The following ZC3H4 variants were observed in gnomAD, a reference collection of about 807,000 sequenced individuals.
ZC3H4 encodes the protein zinc finger CCCH domain-containing protein 4.
Under a neutral mutation model 108.3 loss-of-function variants are expected in ZC3H4, and 13 were observed. The observed-to-expected ratio is 0.12, with a 90% confidence interval of 0.08 to 0.19. ZC3H4 has a LOEUF of 0.19. Among genes scored for constraint, ZC3H4 ranks in the 10% least tolerant of loss-of-function variants. The pLI is 1.00. For missense variants in ZC3H4, 1,734 were observed against 1,838.8 expected, an observed-to-expected ratio of 0.94 and a Z score of 1.04; for synonymous variants, 917 against 749.6, an observed-to-expected ratio of 1.22 and a Z score of -3.65.
chr19:47,084,285 G>A (rs2057575409), intron 9 of ZC3H4, 60 bp downstream of exon 9: 1 of 1,521,846 alleles, frequency 6.6e-7, no homozygotes, highest in Non-Finnish European at 9.1e-7. Flanking sequence ...CCTTCTGGAA[G>A]CCATGTGTCC....
chr19:47,071,454 A>C (rs2057324532), intron 13 of ZC3H4, among the ~76,000 whole-genome samples: 2 of 152,106 alleles, frequency 1.3e-5, no homozygotes, highest in African/African-American at 4.8e-5. Flanking sequence ...TGGCCAGGCC[A>C]CTAACTGAGT....
At chr19:47,080,549 G>A (rs1243162823) in intron 11 of ZC3H4, among the ~76,000 whole-genome samples, 1 of 152,158 alleles carries the variant, frequency 6.6e-6, no homozygotes, top group Non-Finnish European at 1.5e-5. Context: ...AGGCTGGAGT[G>A]CAGTGGCATG....
rs767137827 is a variant in ZC3H4 at position 47,067,596 on chromosome 19, C to T, written c.2672G>A (p.Arg891Gln). The change falls in exon 15 of 15, where the codon CGG becomes CAG. Residue 891 changes from arginine to glutamine, a missense_variant. This residue lies in a region of ZC3H4 where 540 missense variants were observed against 484.1 expected (regional missense o/e 1.12). Transcript: ENST00000253048. The surrounding 1 kb of genome is among the most constrained non-coding windows in gnomAD (Gnocchi z 6.4). ...GGAGGTGGGCAGGGCGCGAGCCAGC[C>T]GAGGATCGGAGGGTCCCGAATCACC... ...GPGDSGPSDP[R>Q]LARALPTSKP... is the part of the protein sequence containing the mutation. The T allele has an allele frequency of 2.5e-6, 4 of 1,605,786 alleles. No individual in the cohort carries two copies. Among genetic ancestry groups the T allele is most frequent in the African/African-American group, 1.3e-5 (1 of 74,992 alleles).
At chr19:47,102,536 G>A (rs2057916603) in intron 2 of ZC3H4, among the ~76,000 whole-genome samples, 1 of 152,128 alleles carries the variant, frequency 6.6e-6, no homozygotes, top group African/African-American at 2.4e-5. Context: ...AGGCAACCAT[G>A]GAGTCCCCAG....
intron 13 of ZC3H4, among the ~76,000 whole-genome samples, chr19:47,070,579 T>C (rs1310191105): frequency 6.6e-6 from 1 of 152,192 alleles, no homozygotes; most frequent in Non-Finnish European, 1.5e-5. Flanking sequence ...GGGGAGGAGC[T>C]GAGAACCCCA....
intron 2 of ZC3H4, among the ~76,000 whole-genome samples, chr19:47,101,931 G>A (rs2057909463): frequency 1.3e-5 from 2 of 151,982 alleles, no homozygotes; most frequent in African/African-American, 4.8e-5. Flanking sequence ...CTACTTGGGA[G>A]ACTGAGGCAG....
At chr19:47,088,586 G>A (rs1048917057) in intron 5 of ZC3H4, among the ~76,000 whole-genome samples, 1 of 151,842 alleles carries the variant, frequency 6.6e-6, no homozygotes, top group African/African-American at 2.4e-5. Flanking sequence ...AGGAGGCACA[G>A]GGTAGAGGCT....
intron 13 of ZC3H4, 78 bp from the exon 14 acceptor site, chr19:47,069,421 C>T: frequency 2.6e-6 from 4 of 1,515,730 alleles, no homozygotes; most frequent in Non-Finnish European, 3.5e-6. Context: ...CCCCTCACTG[C>T]AAACCCACAC....
intron 2 of ZC3H4, chr19:47,112,044 G>T: frequency 1.2e-6 from 1 of 855,940 alleles, no homozygotes; most frequent in Non-Finnish European, 1.4e-6. Context: ...AGCTCCGGGC[G>T]CAGGGGCAGC....
rs766647274 is a variant in ZC3H4, at chr19:47,067,216, C to T, written c.3052G>A (p.Ala1018Thr). ...CGCTGCCGGGCGTTGGGGGGCCCTG[C>T]CGTGGCAGCGCGGTGCAGCCGGGGG... ...LDPRLHRAAT[A>T]GPPNARQRPG... The change falls in exon 15 of 15, where the codon GCA becomes ACA. Residue 1018 changes from alanine (A) to threonine (T), a missense_variant. Ala to Thr is a moderately conservative substitution (Grantham distance 58). This residue lies in a region of ZC3H4 where 518 missense variants were observed against 499.6 expected (regional missense o/e 1.04). Coordinates refer to ENST00000253048, the MANE Select transcript of ZC3H4 (RefSeq NM_015168.2). This position sits in a 1 kb window ranked among gnomAD's most constrained non-coding sequence, Gnocchi z 6.4. 1 of 1,608,708 alleles carries T rather than the reference C, an allele frequency of 6.2e-7. No individual in the cohort carries two copies. Among genetic ancestry groups the T allele is most frequent in the Non-Finnish European group, 8.5e-7 (1 of 1,177,600 alleles).
intron 11 of ZC3H4, among the ~76,000 whole-genome samples, chr19:47,077,376 G>A (rs555053726): frequency 6.6e-5 from 10 of 151,746 alleles, no homozygotes; most frequent in Admixed American, 4.6e-4. Context: ...GCTGAGACAG[G>A]AGAATCACTT....
rs978311462 is a variant in ZC3H4, at chr19:47,112,357, GC to G, written c.161+66del. Reference sequence around the variant, plus strand: ...CGCGGCCCGGCCCAACATGGCGGCCGCCCCCCTTCCTCCTCCTCCTCTTCCT... The same window carrying G: ...CGCGGCCCGGCCCAACATGGCGGCCGCCCCCTTCCTCCTCCTCCTCTTCCT... On this transcript the variant is annotated intron_variant, in intron 2 of 14. Transcript: ENST00000253048. The G allele has an allele frequency of 2.9e-5, 35 of 1,220,120 alleles. No homozygotes were observed. The Admixed American group carries it at 4.7e-4, about 16-fold the overall frequency. 75.6% of individuals were successfully genotyped at this position (1,220,120 alleles called of 1,614,324 possible).
In ZC3H4 at chr19:47,066,922, G is replaced by A; in HGVS notation, c.3346C>T (p.Pro1116Ser). 2 of 1,596,372 alleles carry A rather than the reference G, an allele frequency of 1.3e-6. No individual in the cohort carries two copies. The highest frequency in any genetic ancestry group is 1.7e-6 in the Non-Finnish European group (2 of 1,175,266). The change falls in exon 15 of 15, where the codon CCA (proline) becomes TCA (serine). Residue 1116 changes from proline (P) to serine (S), a missense_variant. Transcript: ENST00000253048. Reference protein sequence around the residue: ...TASPSGDASPPATAPYDPRVL... With the variant: ...TASPSGDASPSATAPYDPRVL... ...CGGGGGTCGTAGGGAGCGGTGGCTG[G>A]TGGGGAGGCATCCCCACTCGGGCTG...
At chr19:47,098,271 C>T (rs753201502) in intron 2 of ZC3H4, among the ~76,000 whole-genome samples, 70 of 152,306 alleles carry the variant, frequency 4.6e-4, no homozygotes, top group Non-Finnish European at 6.2e-4. Flanking sequence ...AGGCAGATCA[C>T]TTGAGGTCAG....
At chr19:47,107,501 A>T (rs1294707863) in intron 2 of ZC3H4, among the ~76,000 whole-genome samples, 2 of 152,142 alleles carry the variant, frequency 1.3e-5, no homozygotes, top group Admixed American at 6.5e-5. Context: ...ACATTCAAAA[A>T]GATGTCACCA....
At chr19:47,077,556 G>A (rs1207841609) in intron 11 of ZC3H4, among the ~76,000 whole-genome samples, 1 of 151,548 alleles carries the variant, frequency 6.6e-6, no homozygotes, top group African/African-American at 2.4e-5. Flanking sequence ...GATAAATTTA[G>A]AAGGTATGGA....
In ZC3H4 at chr19:47,064,818, C is replaced by G. The variant is rs2057173275; in HGVS notation, c.*1538G>C. On this transcript the variant is annotated 3_prime_UTR_variant, in exon 15 of 15. Coordinates refer to ENST00000253048, the MANE Select transcript of ZC3H4 (RefSeq NM_015168.2). ...TGTGCAGCCCTGTAGGACACCCTGCCTCCTGGCTCCAAACTATGAGTTTTT... is the reference window on the plus strand; with the variant it reads ...TGTGCAGCCCTGTAGGACACCCTGCGTCCTGGCTCCAAACTATGAGTTTTT... 2.0e-5 allele frequency: 3 copies of G among 152,162 alleles called. No homozygotes were observed. Among genetic ancestry groups the G allele is most frequent in the Admixed American group, 2.0e-4 (3 of 15,274 alleles). 9.4% of individuals were successfully genotyped at this position (152,162 alleles called of 1,614,324 possible). A position where few individuals can be genotyped will look rare whatever the true frequency, so the allele number is the denominator to read the frequency against.
chr19:47,082,053 A>G, intron 10 of ZC3H4, 131 bp downstream of exon 10: 1 of 795,008 alleles, frequency 1.3e-6, no homozygotes, highest in East Asian at 2.5e-5. Context: ...GTTAAATGAG[A>G]TGGAGACTCA....
Position 47,094,596 on chromosome 19 carries a change from C to T in ZC3H4, c.174G>A (p.Glu58=). 3 of 1,614,186 alleles carry T rather than the reference C, an allele frequency of 1.9e-6. No homozygotes were observed. The highest frequency in any genetic ancestry group is 2.5e-6 in the Non-Finnish European group (3 of 1,180,032). Residue 58 remains glutamate, a synonymous_variant, in exon 3 of 15, where the codon GAG becomes GAA. Transcript: ENST00000253048. ...LPLPDDREDG[E]LEEGELEDDG... The stretch of plus-strand genomic sequence containing the variant: ...CATCTTCCAATTCACCTTCTTCCAA[C>T]TCTCCATCTTCCCTACAAACAAACC...
Sources: gnomAD v4.1 joint callset for allele counts (sites outside exome capture counted in the v4.1 genomes callset) on GRCh38, gnomAD v4.1.1 for gene constraint, gnomAD v4.1.1 regional missense constraint, Gnocchi (gnomAD v3.1) non-coding constraint, MANE v1.5 for transcripts, NCBI Gene and HGNC (gene_info 2026-07-23, HGNC 2026-07-21) for gene names.